The following POU6F2 variants were observed in gnomAD, a reference collection of about 807,000 sequenced individuals.
POU6F2 encodes POU domain, class 6, transcription factor 2.
A neutral mutation model predicts 71.3 loss-of-function variants in POU6F2; 31 were observed. The observed-to-expected ratio is 0.43, with a 90% confidence interval of 0.33 to 0.59. The LOEUF (loss-of-function observed/expected upper bound fraction) is 0.59. Among genes scored for constraint, POU6F2 ranks in the 20% least tolerant of loss-of-function variants. The pLI is 0.04. For synonymous variants in POU6F2, 347 were observed against 355.7 expected, an observed-to-expected ratio of 0.98 and a Z score of 0.27; for missense variants, 783 against 856.8, an observed-to-expected ratio of 0.91 and a Z score of 1.07.
intron 5 of POU6F2, among the ~76,000 whole-genome samples, chr7:39,351,764 C>T (rs750451665): frequency 6.6e-5 from 10 of 152,202 alleles, no homozygotes; most frequent in Non-Finnish European, 1.5e-4. Flanking sequence ...GGACCCACCA[C>T]CCTCCTGCCC....
At chr7:39,061,669 G>A (rs1456351889) in intron 1 of POU6F2, among the ~76,000 whole-genome samples, 4 of 152,144 alleles carry the variant, frequency 2.6e-5, no homozygotes, top group Non-Finnish European at 5.9e-5. Context: ...GTATTGGGAA[G>A]TTGTTAAACT....
At chr7:39,445,179 C>CA (rs1279298883) in intron 7 of POU6F2, among the ~76,000 whole-genome samples, 3 of 152,100 alleles carry the variant, frequency 2.0e-5, no homozygotes, top group Non-Finnish European at 4.4e-5. Flanking sequence ...TACTAATTTT[C>CA]AAAAAAATCA....
intron 4 of POU6F2, among the ~76,000 whole-genome samples, chr7:39,284,356 G>T (rs1784615730): frequency 1.3e-5 from 2 of 152,322 alleles, no homozygotes; most frequent in African/African-American, 4.8e-5. Flanking sequence ...TTTTGTAGCT[G>T]TGGTAGTAGC....
rs149413564 is a variant in POU6F2, at chr7:39,204,330, A to T, written c.369+4A>T. On this transcript the variant is annotated splice_donor_region_variant and intron_variant, in intron 3 of 9. Transcript: ENST00000518318. ...CCCATTTCCAGTTGGGCCACAGGTCAGTATCTCTCAACTGCTTTCCACTGG... is the reference window on the plus strand; with the variant it reads ...CCCATTTCCAGTTGGGCCACAGGTCTGTATCTCTCAACTGCTTTCCACTGG... 47 of 1,608,894 alleles carry T rather than the reference A, an allele frequency of 2.9e-5. No individual in the cohort carries two copies. The highest frequency in any genetic ancestry group is 3.8e-5 in the Non-Finnish European group (45 of 1,175,594).
chr7:39,142,532 G>C (rs1440675270), intron 2 of POU6F2, among the ~76,000 whole-genome samples: 1 of 152,120 alleles, frequency 6.6e-6, no homozygotes, highest in Non-Finnish European at 1.5e-5. Flanking sequence ...TGCTTTTTGG[G>C]AACAAATAAA....
intron 4 of POU6F2, among the ~76,000 whole-genome samples, chr7:39,329,442 A>G (rs939224761): frequency 2.0e-5 from 3 of 152,068 alleles, no homozygotes; most frequent in Non-Finnish European, 2.9e-5. Flanking sequence ...GTTACATAGT[A>G]TAAACACCTC....
intron 1 of POU6F2, among the ~76,000 whole-genome samples, chr7:39,041,277 A>C (rs188551869): frequency 1.3e-5 from 2 of 151,920 alleles, no homozygotes; most frequent in East Asian, 3.9e-4. Flanking sequence ...CCAATTTTTC[A>C]CTTCACAAGT....
intron 5 of POU6F2, among the ~76,000 whole-genome samples, chr7:39,346,837 T>G (rs1786042343): frequency 6.6e-6 from 1 of 152,238 alleles, no homozygotes; most frequent in African/African-American, 2.4e-5. Context: ...CCACTGGTTT[T>G]TAAATTAACT....
intron 4 of POU6F2, among the ~76,000 whole-genome samples, chr7:39,222,872 A>G (rs1271718936): frequency 6.6e-6 from 1 of 152,124 alleles, no homozygotes; most frequent in African/African-American, 2.4e-5. Flanking sequence ...AGAAATATCT[A>G]TTTGTATCAG....
chr7:39,411,727 G>C (rs543405059), intron 6 of POU6F2, among the ~76,000 whole-genome samples: 5 of 152,188 alleles, frequency 3.3e-5, no homozygotes, highest in Non-Finnish European at 5.9e-5. Flanking sequence ...ACAAGGCCGT[G>C]ATGAAAGAAA....
At chr7:39,190,582 C>T (rs562350394) in intron 2 of POU6F2, among the ~76,000 whole-genome samples, 1 of 149,388 alleles carries the variant, frequency 6.7e-6, no homozygotes, top group African/African-American at 2.5e-5. Context: ...GGCTGATGCT[C>T]AAGGACTGGG....
intron 2 of POU6F2, among the ~76,000 whole-genome samples, chr7:39,197,035 T>C (rs1396542615): frequency 6.6e-6 from 1 of 152,184 alleles, no homozygotes; most frequent in Non-Finnish European, 1.5e-5. Flanking sequence ...GAGGTCACCA[T>C]CCTGAATTTC....
At chr7:39,312,620 T>C (rs6971018) in intron 4 of POU6F2, among the ~76,000 whole-genome samples, 3,365 of 152,334 alleles carry the variant, frequency 0.022, 132 homozygotes, top group African/African-American at 0.075. Flanking sequence ...TTGAGAACTT[T>C]CACCTTTTCA....
At chr7:39,332,197 A>G (rs965186330) in intron 4 of POU6F2, among the ~76,000 whole-genome samples, 5 of 152,152 alleles carry the variant, frequency 3.3e-5, no homozygotes, top group African/African-American at 1.2e-4. Context: ...CTTTTTTCAC[A>G]TTCTCAGATT....
chr7:39,433,373 T>C, intron 7 of POU6F2, 90 bp downstream of exon 7: 1 of 1,415,442 alleles, frequency 7.1e-7, no homozygotes, highest in East Asian at 2.4e-5. Flanking sequence ...AAAGTAACTT[T>C]TACATTACAA....
chr7:39,434,237 G>A (rs916219737), intron 7 of POU6F2, among the ~76,000 whole-genome samples: 1 of 152,158 alleles, frequency 6.6e-6, no homozygotes, highest in African/African-American at 2.4e-5. Context: ...ATGGGAAAGA[G>A]GATGGGGTGT....
chr7:39,344,578 T>A (rs1448651540), intron 5 of POU6F2, among the ~76,000 whole-genome samples: 1 of 152,092 alleles, frequency 6.6e-6, no homozygotes, highest in Non-Finnish European at 1.5e-5. Context: ...GACTTTCAAG[T>A]TCTCTAAAGC....
At chr7:39,195,225 T>A (rs1476839681) in intron 2 of POU6F2, among the ~76,000 whole-genome samples, 1 of 152,206 alleles carries the variant, frequency 6.6e-6, no homozygotes, top group Non-Finnish European at 1.5e-5. Flanking sequence ...CTGTGATCAT[T>A]TAATCACCTG....
chr7:39,101,575 G>C (rs1791573887), intron 2 of POU6F2, among the ~76,000 whole-genome samples: 1 of 151,868 alleles, frequency 6.6e-6, no homozygotes, highest in Admixed American at 6.6e-5. Flanking sequence ...TGTGGGATTA[G>C]GGTGGGGAAA....
Sources: gnomAD v4.1 joint callset for allele counts (sites outside exome capture counted in the v4.1 genomes callset) on GRCh38, gnomAD v4.1.1 for gene constraint, MANE v1.5 for transcripts, NCBI Gene and HGNC (gene_info 2026-07-23, HGNC 2026-07-21) for gene names.